COL5A1: variants seen among roughly 807,000 people sequenced by gnomAD.
The protein encoded by COL5A1 is collagen type V alpha 1 chain.
In COL5A1, 16 loss-of-function variants were observed where a neutral mutation model predicts 263.7. The observed-to-expected ratio is 0.06, with a 90% CI of 0.04 to 0.09. The LOEUF is 0.09. COL5A1 is among the 10% of genes least tolerant of loss of function. COL5A1 has a pLI of 1.00. For missense variants in COL5A1, 2,036 were observed against 2,540.5 expected (o/e 0.80, Z 4.27); for synonymous variants, 1,012 against 1,004.5 (o/e 1.01, Z -0.14).
At position 134,814,854 on chromosome 9, in the gene COL5A1, C is replaced by A. The variant is rs773060648; in HGVS notation, c.3964C>A (p.Pro1322Thr). 2.5e-5 allele frequency: 39 copies of A among 1,551,384 alleles called. No individual in the cohort carries two copies. In the South Asian group the frequency reaches 4.3e-4, roughly 17 times the overall value. Residue 1322 changes from proline to threonine, a missense_variant, in exon 50 of 66, where the codon CCC (proline) becomes ACC (threonine). By Grantham distance (38) the Pro-to-Thr change is conservative (BLOSUM62 -1). Coordinates refer to ENST00000371817, the MANE Select transcript of COL5A1 (RefSeq NM_000093.5). ...GESGPSGAAGPPGPKGPPGDD... is the reference protein window; with the variant it reads ...GESGPSGAAGTPGPKGPPGDD... ...GTCAGGCCCTTCAGGTGCTGCCGGA[C>A]CCCCTGGACCCAAAGGCCCTCCCGG...
intron 64 of COL5A1, among the ~76,000 whole-genome samples, chr9:134,831,527 G>C (rs919480338): frequency 2.6e-5 from 4 of 152,210 alleles, no homozygotes; most frequent in African/African-American, 9.6e-5. Context: ...TGCTTGGCCC[G>C]GAGGGACAGA....
intron 4 of COL5A1, among the ~76,000 whole-genome samples, chr9:134,709,628 T>C (rs866416688): frequency 6.6e-6 from 1 of 152,180 alleles, no homozygotes; most frequent in Non-Finnish European, 1.5e-5. Flanking sequence ...GGCCTGCCTC[T>C]TCCCATGTGC....
rs1838411430 is a variant in COL5A1 at position 134,809,086 on chromosome 9, C to T, written c.3367-97C>T. The T allele has an allele frequency of 5.5e-5, 61 of 1,112,618 alleles. 1 individual carries two copies. In the South Asian group the frequency reaches 7.9e-4, roughly 14 times the overall value. 68.9% of individuals were successfully genotyped at this position (1,112,618 alleles called of 1,614,324 possible). On this transcript the variant is annotated intron_variant, in intron 42 of 65. Coordinates refer to ENST00000371817, the MANE Select transcript of COL5A1 (RefSeq NM_000093.5). ...GGACGGTCACCCTCACCAACTCCCA[C>T]TTCCTGCCAGCGGATCCCTCTCTTG... is the stretch of plus-strand genomic sequence containing the variant.
In COL5A1 at chr9:134,738,778, C is replaced by T. The variant is rs1835195730; in HGVS notation, c.1464C>T (p.Pro488=). 1.2e-6 allele frequency: 2 copies of T among 1,613,886 alleles called. No individual in the cohort carries two copies. Among genetic ancestry groups the T allele is most frequent in the African/African-American group, 2.7e-5 (2 of 75,022 alleles). Residue 488 remains proline (P), a synonymous_variant, in exon 11 of 66, where the codon CCC becomes CCT. Coordinates refer to ENST00000371817, the MANE Select transcript of COL5A1 (RefSeq NM_000093.5). ...GLPGPPGTMG[P]TGQVGDPGER... The stretch of plus-strand genomic sequence containing the variant: ...CCGGACCTCCAGGAACCATGGGTCC[C>T]ACTGGCCAAGTCGGGGACCCTGGAG...
Position 134,647,726 on chromosome 9 carries a change from G to A in COL5A1, c.109+5430G>A, listed in dbSNP as rs1008184248. Among the ~76,000 whole-genome samples the A allele has an allele frequency of 3.3e-5, 5 of 152,188 alleles. No homozygotes were observed. The highest frequency in any genetic ancestry group is 7.4e-5 in the Non-Finnish European group (5 of 68,026). On this transcript the variant is annotated intron_variant, in intron 1 of 65. Coordinates refer to ENST00000371817, the MANE Select transcript of COL5A1 (RefSeq NM_000093.5). This position sits in a 1 kb window ranked among gnomAD's most constrained non-coding sequence, Gnocchi z 5.0. ...GTCCAGCTGGATCCGACAATTTCAT[G>A]TCTTTTTAAACTCCCGGGAGGGCGA...
In COL5A1 at chr9:134,789,217, A is replaced by G; in HGVS notation, c.2700+9A>G. The stretch of plus-strand genomic sequence containing the variant: ...GAGAGAAGGGCGGCAGGGTAAGGAT[A>G]GCCTGGCCCCTGGGCAGGCAGCTTG... On this transcript the variant is annotated intron_variant, in intron 32 of 65. Transcript: ENST00000371817. This position sits in a 1 kb window ranked among gnomAD's most constrained non-coding sequence, Gnocchi z 4.8. 1 of 1,612,308 alleles carries G rather than the reference A, an allele frequency of 6.2e-7. No individual in the cohort carries two copies. Among genetic ancestry groups the G allele is most frequent in the Non-Finnish European group, 8.5e-7 (1 of 1,179,606 alleles).
Position 134,728,923 on chromosome 9 carries a change from G to T in COL5A1, c.924+116G>T, listed in dbSNP as rs567558960. On this transcript the variant is annotated intron_variant, in intron 6 of 65. Transcript: ENST00000371817. ...GAGGGTTGGGGGCTGTCTGGTGAAG[G>T]TTGCGGGGGCAGCTCAGTGAGGGAG... 55 of 1,366,942 alleles carry T rather than the reference G, an allele frequency of 4.0e-5. No individual in the cohort carries two copies. The East Asian group carries it at 1.3e-3, about 31-fold the overall frequency. The allele number at this position is 1,366,942 out of a possible 1,614,324, so 84.7% of individuals were successfully genotyped here.
intron 9 of COL5A1, among the ~76,000 whole-genome samples, chr9:134,735,996 G>A (rs1278199100): frequency 1.4e-5 from 2 of 146,824 alleles, no homozygotes; most frequent in Non-Finnish European, 1.5e-5. Flanking sequence ...GGACATCTGC[G>A]GCCCCCCCAG....
At chr9:134,816,983 C>T (rs1176468115) in intron 52 of COL5A1, 43 bp from the exon 53 acceptor site, 63 of 1,573,014 alleles carry the variant, frequency 4.0e-5, no homozygotes, top group South Asian at 3.8e-4. Flanking sequence ...TTGAGTCTAA[C>T]GGGCCCCAAT....
chr9:134,768,462 C>T lies in COL5A1; in HGVS notation c.2285C>T (p.Pro762Leu), dbSNP rs138259992. 9.1e-5 allele frequency: 147 copies of T among 1,613,834 alleles called. No homozygotes were observed. The highest frequency in any genetic ancestry group is 1.2e-4 in the Non-Finnish European group (136 of 1,179,928). Residue 762 changes from proline (P) to leucine (L), a missense_variant and splice_region_variant, in exon 25 of 66, where the codon CCG becomes CTG. By Grantham distance (98) the Pro-to-Leu change is moderately conservative. This residue lies in a region of COL5A1 where 1,078 missense variants were observed against 1,521.4 expected (regional missense o/e 0.71). Coordinates refer to ENST00000371817, the MANE Select transcript of COL5A1 (RefSeq NM_000093.5). ...LPGMPGADGP[P>L]GHPGKEGPPG... is the part of the protein sequence containing the mutation. ...GGAATGCCCGGTGCTGACGGACCCCCGGTGAGTAGCCCTGCCCACCTCATC... is the reference window on the plus strand; with the variant it reads ...GGAATGCCCGGTGCTGACGGACCCCTGGTGAGTAGCCCTGCCCACCTCATC...
intron 65 of COL5A1, among the ~76,000 whole-genome samples, chr9:134,838,937 C>T (rs544289166): frequency 6.6e-6 from 1 of 152,338 alleles, no homozygotes; most frequent in Non-Finnish European, 1.5e-5. Flanking sequence ...CCCGGACTCT[C>T]AGGTGCCCTG....
At chr9:134,804,928 T>C (rs774125922) in intron 39 of COL5A1, 47 bp from the exon 40 acceptor site, 2 of 1,533,928 alleles carry the variant, frequency 1.3e-6, no homozygotes, top group Admixed American at 1.7e-5. Flanking sequence ...TGGTGAGAGG[T>C]CTGCGTCACT....
rs199742873 is a variant in COL5A1, at chr9:134,727,385, T to C, written c.774T>C (p.Asn258=). 2.5e-5 allele frequency: 41 copies of C among 1,614,030 alleles called. No homozygotes were observed. The Admixed American group carries it at 6.2e-4, about 24-fold the overall frequency. ...VPDTPQSQDP[N]PDEYYTEGDG... is the part of the protein sequence containing the mutation. ...ACACCCCACAGTCGCAGGACCCCAA[T>C]CCAGATGAATATGTGAGTTAACTCT... Residue 258 remains asparagine, a synonymous_variant, in exon 5 of 66, where the codon AAT becomes AAC. Coordinates refer to ENST00000371817, the MANE Select transcript of COL5A1 (RefSeq NM_000093.5).
chr9:134,701,230 A>T lies in COL5A1; in HGVS notation c.551A>T (p.Lys184Ile). 6.2e-7 allele frequency: 1 copy of T among 1,613,944 alleles called. No individual in the cohort carries two copies. The highest frequency in any genetic ancestry group is 8.5e-7 in the Non-Finnish European group (1 of 1,180,016). ...KKNVTLILDC[K>I]KKTTKFLDRS... is the part of the protein sequence containing the mutation. ...AATGTCACCTTGATCCTCGACTGTA[A>T]AAAGAAGACCACCAAATTCCTCGAC... Residue 184 changes from lysine (K) to isoleucine (I), a missense_variant, in exon 4 of 66, where the codon AAA (lysine) becomes ATA (isoleucine). By Grantham distance (102) the Lys-to-Ile change is moderately radical. Coordinates refer to ENST00000371817, the MANE Select transcript of COL5A1 (RefSeq NM_000093.5).
rs1394864896 is a variant in COL5A1 at position 134,841,897 on chromosome 9, A to G, written c.5371-260A>G. Among the ~76,000 whole-genome samples, 1 of 152,002 alleles carries G rather than the reference A, an allele frequency of 6.6e-6. No individual in the cohort carries two copies. Among genetic ancestry groups the G allele is most frequent in the Non-Finnish European group, 1.5e-5 (1 of 67,976 alleles). On this transcript the variant is annotated intron_variant, in intron 65 of 65. Transcript: ENST00000371817. The surrounding 1 kb of genome is among the most constrained non-coding windows in gnomAD (Gnocchi z 4.8). ...CCTCAGCCACCCCTGAAGCCTTGGG[A>G]GGGTCCTGTCGCCTCGCTGATGCCC...
chr9:134,772,148 C>G (rs933512479), intron 25 of COL5A1, among the ~76,000 whole-genome samples: 11 of 152,188 alleles, frequency 7.2e-5, no homozygotes, highest in African/African-American at 2.4e-4. Context: ...GGGTGTGGGT[C>G]TCAAACGAGG....
chr9:134,805,447 C>T (rs1838262073), intron 41 of COL5A1, among the ~76,000 whole-genome samples: 1 of 152,172 alleles, frequency 6.6e-6, no homozygotes, highest in African/African-American at 2.4e-5. Flanking sequence ...GCTGGGCAGC[C>T]TGGAGGGCGG....
chr9:134,708,654 T>C (rs1324610519), intron 4 of COL5A1: 1 of 518,784 alleles, frequency 1.9e-6, no homozygotes, highest in Non-Finnish European at 3.8e-6. Flanking sequence ...AGAGGCCCCT[T>C]GTCGTGTCTT....
intron 4 of COL5A1, among the ~76,000 whole-genome samples, chr9:134,719,068 G>A (rs116826248): frequency 3.9e-5 from 6 of 152,202 alleles, no homozygotes; most frequent in African/African-American, 1.4e-4. Context: ...GGGAAGTGGG[G>A]TGGGCTTAGG....
Sources: allele counts gnomAD v4.1 joint callset (sites outside exome capture counted in the v4.1 genomes callset), GRCh38; gene constraint gnomAD v4.1.1; regional missense constraint gnomAD v4.1.1; non-coding constraint Gnocchi (gnomAD v3.1); transcripts MANE v1.5; gene names NCBI Gene and HGNC (gene_info 2026-07-23, HGNC 2026-07-21).